The following CNTNAP2 variants were observed in gnomAD, a reference collection of about 807,000 sequenced individuals.
CNTNAP2 encodes the protein contactin associated protein 2.
CNTNAP2 carries 98 observed loss-of-function variants against 155.2 expected under a neutral mutation model. The observed-to-expected ratio is 0.63, with a 90% CI of 0.54 to 0.75. CNTNAP2 has a LOEUF of 0.75. CNTNAP2 is among the 30% of genes least tolerant of loss of function. The probability of loss-of-function intolerance (pLI) is 0.00; values close to 1 mark genes in which losing one functional copy is unlikely to be tolerated. For synonymous variants in CNTNAP2, 651 were observed against 631.2 expected, an observed-to-expected ratio of 1.03 and a Z score of -0.47; for missense variants, 1,727 against 1,688.1, an observed-to-expected ratio of 1.02 and a Z score of -0.40.
At chr7:148,361,313 C>T (rs1798615098) in intron 21 of CNTNAP2, among the ~76,000 whole-genome samples, 1 of 152,138 alleles carries the variant, frequency 6.6e-6, no homozygotes, top group African/African-American at 2.4e-5. Flanking sequence ...TCCAGAGTGT[C>T]AAGGGGCCCG....
chr7:148,324,171 C>T (rs1324225522), intron 21 of CNTNAP2, among the ~76,000 whole-genome samples: 1 of 152,058 alleles, frequency 6.6e-6, no homozygotes, highest in Non-Finnish European at 1.5e-5. Context: ...AGACATGAGC[C>T]ACCACACCTG....
intron 1 of CNTNAP2, among the ~76,000 whole-genome samples, chr7:146,240,634 G>T (rs1799545762): frequency 6.6e-6 from 1 of 151,888 alleles, no homozygotes; most frequent in Non-Finnish European, 1.5e-5. Context: ...ACCTTAGGAG[G>T]TAGACATTTT....
intron 12 of CNTNAP2, among the ~76,000 whole-genome samples, chr7:147,608,572 G>A (rs1246362663): frequency 2.6e-5 from 4 of 152,062 alleles, no homozygotes; most frequent in African/African-American, 9.7e-5. Flanking sequence ...AAAGAGCTGG[G>A]ATAATAGGTA....
intron 12 of CNTNAP2, among the ~76,000 whole-genome samples, chr7:147,585,669 T>G (rs1221040937): frequency 6.6e-6 from 1 of 151,952 alleles, no homozygotes; most frequent in Non-Finnish European, 1.5e-5. Flanking sequence ...TTTAATTAAT[T>G]CAGATTTTAA....
chr7:146,841,253 G>A (rs1329598854), intron 3 of CNTNAP2, among the ~76,000 whole-genome samples: 1 of 151,124 alleles, frequency 6.6e-6, no homozygotes, highest in Non-Finnish European at 1.5e-5. Flanking sequence ...TCAGTCTACA[G>A]TTAAGAAGGG....
At chr7:146,361,024 A>G (rs1795074807) in intron 1 of CNTNAP2, among the ~76,000 whole-genome samples, 1 of 152,190 alleles carries the variant, frequency 6.6e-6, no homozygotes, top group South Asian at 2.1e-4. Context: ...ACAGCTTAGT[A>G]CCCTATGTTA....
intron 21 of CNTNAP2, among the ~76,000 whole-genome samples, chr7:148,354,865 C>T (rs1798485232): frequency 6.6e-6 from 1 of 152,256 alleles, no homozygotes; most frequent in East Asian, 1.9e-4. Context: ...GCACACACCC[C>T]ACCCTGGGCT....
chr7:147,454,665 T>C (rs924563257), intron 10 of CNTNAP2, among the ~76,000 whole-genome samples: 2 of 151,930 alleles, frequency 1.3e-5, no homozygotes, highest in South Asian at 2.1e-4. Flanking sequence ...AAACTGAACA[T>C]GAAAATGTCT....
intron 3 of CNTNAP2, among the ~76,000 whole-genome samples, chr7:146,932,284 A>G (rs1796780103): frequency 1.3e-5 from 2 of 152,140 alleles, no homozygotes; most frequent in African/African-American, 4.8e-5. Flanking sequence ...GGTTCAATAT[A>G]TGCAAATCAA....
chr7:146,814,599 T>C (rs1803127735), intron 2 of CNTNAP2, among the ~76,000 whole-genome samples: 1 of 152,142 alleles, frequency 6.6e-6, no homozygotes, highest in Non-Finnish European at 1.5e-5. Flanking sequence ...ATTAATATTC[T>C]TTGCTAATAA....
chr7:147,196,593 C>T (rs752943889), intron 8 of CNTNAP2, among the ~76,000 whole-genome samples: 16 of 152,146 alleles, frequency 1.1e-4, no homozygotes, highest in Non-Finnish European at 1.9e-4. Context: ...AGAGTGCAAA[C>T]ATGCATCCCT....
At chr7:146,700,670 A>G (rs1800861131) in intron 1 of CNTNAP2, among the ~76,000 whole-genome samples, 2 of 152,152 alleles carry the variant, frequency 1.3e-5, no homozygotes, top group South Asian at 2.1e-4. Context: ...TTATTTTACT[A>G]TGTATTTGAT....
chr7:148,275,009 T>C (rs1796848074), intron 21 of CNTNAP2, among the ~76,000 whole-genome samples: 1 of 152,216 alleles, frequency 6.6e-6, no homozygotes, highest in Non-Finnish European at 1.5e-5. Context: ...CTTTGCATAA[T>C]CAGCAAATGT....
At chr7:147,213,895 G>A (rs1803208890) in intron 8 of CNTNAP2, among the ~76,000 whole-genome samples, 1 of 152,024 alleles carries the variant, frequency 6.6e-6, no homozygotes, top group South Asian at 2.1e-4. Context: ...GATGTCCCAG[G>A]ACAGGAGAAG....
At chr7:147,892,813 A>C (rs1423711269) in intron 13 of CNTNAP2, among the ~76,000 whole-genome samples, 1 of 152,126 alleles carries the variant, frequency 6.6e-6, no homozygotes, top group Non-Finnish European at 1.5e-5. Context: ...TACATTTCTA[A>C]ATTTGGTCCC....
At position 147,479,484 on chromosome 7, in the gene CNTNAP2, CA is replaced by C. The variant is rs1463887318; in HGVS notation, c.1671-6450del. 5.9e-5 allele frequency among the ~76,000 whole-genome samples: 9 copies of C among 152,292 alleles called. No homozygotes were observed. The South Asian group carries it at 1.2e-3, about 21-fold the overall frequency. On this transcript the variant is annotated intron_variant, in intron 10 of 23. Coordinates refer to ENST00000361727, the MANE Select transcript of CNTNAP2 (RefSeq NM_014141.6). ...GGTTTAATACAGTTCAACCTGGAGA[CA>C]GATGAATAGACAGATGGTTTTGCAG...
At chr7:147,095,699 C>A (rs938486780) in intron 4 of CNTNAP2, among the ~76,000 whole-genome samples, 26 of 152,018 alleles carry the variant, frequency 1.7e-4, no homozygotes, top group African/African-American at 5.8e-4. Context: ...TAATCATATA[C>A]CTTACCAAGC....
At chr7:147,365,471 ATTATCT>A (rs1296013075) in intron 9 of CNTNAP2, among the ~76,000 whole-genome samples, 1 of 151,514 alleles carries the variant, frequency 6.6e-6, no homozygotes, top group African/African-American at 2.4e-5. Flanking sequence ...ATTGTCACAC[ATTATCT>A]TTGTCAGATG....
chr7:147,278,763 A>G (rs550009377), intron 8 of CNTNAP2, among the ~76,000 whole-genome samples: 1 of 151,480 alleles, frequency 6.6e-6, no homozygotes, highest in African/African-American at 2.4e-5. Flanking sequence ...TCTATCATTA[A>G]TCCCTTATAA....
Sources: allele counts gnomAD v4.1 joint callset (sites outside exome capture counted in the v4.1 genomes callset), GRCh38; gene constraint gnomAD v4.1.1; transcripts MANE v1.5; gene names NCBI Gene and HGNC (gene_info 2026-07-23, HGNC 2026-07-21).